The following PPP1R37 variants were observed in gnomAD, a reference collection of about 807,000 sequenced individuals.
PPP1R37 encodes protein phosphatase 1 regulatory subunit 37, also known as leucine rich repeat containing 68.
A neutral mutation model predicts 61.0 loss-of-function variants in PPP1R37; 21 were observed. The observed-to-expected ratio is 0.34, with a 90% CI of 0.24 to 0.50. The LOEUF is 0.50. PPP1R37 is among the 20% of genes least tolerant of loss of function. The pLI is 0.98. For missense variants in PPP1R37, 910 were observed against 952.7 expected (o/e 0.96, Z 0.59); for synonymous variants, 443 against 433.5 (o/e 1.02, Z -0.27).
rs773038424 is a variant in PPP1R37 at position 45,145,934 on chromosome 19, G to A, written c.1878G>A (p.Pro626=). The A allele has an allele frequency of 1.0e-5, 16 of 1,533,776 alleles. No homozygotes were observed. The highest frequency in any genetic ancestry group is 4.1e-5 in the African/African-American group (3 of 72,784). Reference sequence around the variant, plus strand: ...CTGAGCCTCAGCCACCACCGGAGCCGCCTCGGTCAGGGCCACCACTGCCCA... The same window carrying A: ...CTGAGCCTCAGCCACCACCGGAGCCACCTCGGTCAGGGCCACCACTGCCCA... The part of the protein sequence containing the change: ...GSSEPQPPPE[P]PRSGPPLPNG... The change falls in exon 11 of 13, where the codon CCG becomes CCA. Residue 626 remains proline (P), a synonymous_variant. Coordinates refer to ENST00000221462, the MANE Select transcript of PPP1R37 (RefSeq NM_019121.2).
At position 45,093,235 on chromosome 19, in the gene PPP1R37, C is replaced by A; in HGVS notation, c.-91C>A. On this transcript the variant is annotated 5_prime_UTR_variant, in exon 1 of 13. Coordinates refer to ENST00000221462, the MANE Select transcript of PPP1R37 (RefSeq NM_019121.2). ...GGCGGCGCCTGAAGCGGCGGCGGAG[C>A]CCATGCCCCGGGACGGCGGGCGGAC... 9.5e-7 allele frequency: 1 copy of A among 1,053,166 alleles called. No individual in the cohort carries two copies. The highest frequency in any genetic ancestry group is 1.3e-6 in the Non-Finnish European group (1 of 798,334). The allele number at this position is 1,053,166 out of a possible 1,614,324, so 65.2% of individuals were successfully genotyped here.
chr19:45,097,288 C>T (rs1323804580), intron 1 of PPP1R37, among the ~76,000 whole-genome samples: 1 of 151,710 alleles, frequency 6.6e-6, no homozygotes, highest in African/African-American at 2.4e-5. Context: ...GTGGCGTGAC[C>T]CCAAGGCCAA....
rs1235253430 is a variant in PPP1R37, at chr19:45,145,888, A to C, written c.1832A>C (p.Asp611Ala). ...TCCCTACCACCAGCCGGGGCCATTG[A>C]CACCCGGGACACAGGGTCCTCTGAG... ...SPSLPPAGAI[D>A]TRDTGSSEPQ... Residue 611 changes from aspartate to alanine, a missense_variant, in exon 11 of 13, where the codon GAC becomes GCC. Asp to Ala is a moderately radical substitution (Grantham distance 126). Transcript: ENST00000221462. 2.8e-5 allele frequency: 42 copies of C among 1,520,980 alleles called. No homozygotes were observed. Among genetic ancestry groups the C allele is most frequent in the Non-Finnish European group, 3.5e-5 (40 of 1,141,012 alleles). 94.2% of individuals were successfully genotyped at this position (1,520,980 alleles called of 1,614,324 possible).
rs1052339264 is a variant in PPP1R37, at chr19:45,145,625, G to C, written c.1569G>C (p.Arg523Ser). The change falls in exon 11 of 13, where the codon AGG becomes AGC. Residue 523 changes from arginine (R) to serine (S), a missense_variant. By Grantham distance (110) the Arg-to-Ser change is moderately radical. Around this residue, in one of 3 missense-constraint regions of PPP1R37, gnomAD observed 549 missense variants for 505.1 expected, o/e 1.09. Coordinates refer to ENST00000221462, the MANE Select transcript of PPP1R37 (RefSeq NM_019121.2). ...AAGAGGAGGAAGAGGAAGGGGAGAG[G>C]GACGAGACCCCCTGTCCTGCCCTGG... ...GEEEEEEEGE[R>S]DETPCPALVP... The C allele has an allele frequency of 6.5e-7, 1 of 1,536,022 alleles. No homozygotes were observed. The highest frequency in any genetic ancestry group is 2.0e-5 in the Admixed American group (1 of 50,998).
At chr19:45,146,113 C>A (rs118054030) in intron 11 of PPP1R37, 64 bp downstream of exon 11, 69,256 of 1,427,270 alleles carry the variant, frequency 0.049, 1,894 homozygotes, top group Non-Finnish European at 0.054. Context: ...CCAGGCAAGC[C>A]CCTGCCTGTT....
At position 45,145,939 on chromosome 19, in the gene PPP1R37, G is replaced by C. The variant is rs766055456; in HGVS notation, c.1883G>C (p.Arg628Pro). The change falls in exon 11 of 13, where the codon CGG (arginine) becomes CCG (proline). Residue 628 changes from arginine (R) to proline (P), a missense_variant. By Grantham distance (103) the Arg-to-Pro change is moderately radical. Transcript: ENST00000221462. ...CCTCAGCCACCACCGGAGCCGCCTC[G>C]GTCAGGGCCACCACTGCCCAACGGC... ...SEPQPPPEPP[R>P]SGPPLPNGLK... The C allele has an allele frequency of 4.6e-6, 7 of 1,534,392 alleles. No homozygotes were observed. In the South Asian group the frequency reaches 8.3e-5, roughly 18 times the overall value.
chr19:45,118,519 C>T (rs957641027), intron 1 of PPP1R37, among the ~76,000 whole-genome samples: 1 of 152,192 alleles, frequency 6.6e-6, no homozygotes, highest in South Asian at 2.1e-4. Context: ...GGCCATATCC[C>T]CTTCCCAGGG....
intron 1 of PPP1R37, among the ~76,000 whole-genome samples, chr19:45,099,647 T>C (rs917868350): frequency 1.1e-4 from 16 of 152,220 alleles, no homozygotes; most frequent in African/African-American, 3.9e-4. Context: ...TTTGTGCCTG[T>C]GATTATCTGT....
intron 1 of PPP1R37, among the ~76,000 whole-genome samples, chr19:45,105,866 G>A (rs1359456968): frequency 6.6e-6 from 1 of 152,234 alleles, no homozygotes; most frequent in African/African-American, 2.4e-5. Flanking sequence ...CACAGAGCAG[G>A]TGTTCAGTAA....
intron 1 of PPP1R37, among the ~76,000 whole-genome samples, chr19:45,095,517 C>A (rs147581160): frequency 1.9e-3 from 287 of 150,548 alleles, no homozygotes; most frequent in Admixed American, 3.4e-3. Context: ...AACCCCAGCA[C>A]TTTGTCAGGC....
chr19:45,093,329 G>A lies in PPP1R37; in HGVS notation c.4G>A (p.Glu2Lys). Reference sequence around the variant, plus strand: ...CCGTGAGGAGGCGGCGGCGGCTATGGAGATCGCGCCGCAGGAGGCGCCGCC... The same window carrying A: ...CCGTGAGGAGGCGGCGGCGGCTATGAAGATCGCGCCGCAGGAGGCGCCGCC... M[E>K]IAPQEAPPVP... Residue 2 changes from glutamate (E) to lysine (K), a missense_variant, in exon 1 of 13, where the codon GAG becomes AAG. Around this residue, in one of 3 missense-constraint regions of PPP1R37, gnomAD observed 81 missense variants for 65.4 expected, o/e 1.24. Coordinates refer to ENST00000221462, the MANE Select transcript of PPP1R37 (RefSeq NM_019121.2). 2 of 1,471,556 alleles carry A rather than the reference G, an allele frequency of 1.4e-6. No individual in the cohort carries two copies. The highest frequency in any genetic ancestry group is 1.8e-6 in the Non-Finnish European group (2 of 1,117,094). 91.2% of individuals were successfully genotyped at this position (1,471,556 alleles called of 1,614,324 possible). A position where few individuals can be genotyped will look rare whatever the true frequency, so the allele number is the denominator to read the frequency against.
intron 1 of PPP1R37, among the ~76,000 whole-genome samples, chr19:45,137,766 C>G (rs1196035095): frequency 1.3e-5 from 2 of 151,604 alleles, no homozygotes; most frequent in African/African-American, 4.8e-5. Flanking sequence ...AAGGTTGTTT[C>G]TCTGAGCTTG....
intron 1 of PPP1R37, among the ~76,000 whole-genome samples, chr19:45,117,020 C>T (rs915332571): frequency 7.3e-5 from 11 of 150,840 alleles, no homozygotes; most frequent in African/African-American, 2.7e-4. Flanking sequence ...TCAAGCGATT[C>T]TCCTGTCTCA....
At chr19:45,097,480 G>C (rs577705365) in intron 1 of PPP1R37, among the ~76,000 whole-genome samples, 30 of 151,930 alleles carry the variant, frequency 2.0e-4, no homozygotes, top group Non-Finnish European at 4.0e-4. Flanking sequence ...CTCACCCCTG[G>C]GGCTACAGTG....
chr19:45,139,300 T>C (rs1334684914), intron 2 of PPP1R37, among the ~76,000 whole-genome samples: 1 of 152,250 alleles, frequency 6.6e-6, no homozygotes, highest in African/African-American at 2.4e-5. Context: ...AAAAGCCAAA[T>C]CCACCTCTTA....
chr19:45,130,423 C>T lies in PPP1R37; in HGVS notation c.203-8091C>T, dbSNP rs1296707744. On this transcript the variant is annotated intron_variant, in intron 1 of 12. Transcript: ENST00000221462. The surrounding 1 kb of genome is among the most constrained non-coding windows in gnomAD (Gnocchi z 4.4). ...GTCCCACATCATCCCCAGTGCTCCC[C>T]TCCCGGTGTGCTTTGGCGCCGAGCC... Among the ~76,000 whole-genome samples the T allele has an allele frequency of 6.6e-6, 1 of 152,204 alleles. No individual in the cohort carries two copies. The highest frequency in any genetic ancestry group is 1.5e-5 in the Non-Finnish European group (1 of 68,034).
At chr19:45,119,141 A>G (rs1968307332) in intron 1 of PPP1R37, among the ~76,000 whole-genome samples, 1 of 150,484 alleles carries the variant, frequency 6.6e-6, no homozygotes, top group South Asian at 2.1e-4. Context: ...GGCACGTGCC[A>G]CAACACCCGT....
chr19:45,141,177 C>T (rs1968606373), intron 4 of PPP1R37, 145 bp from the exon 5 acceptor site: 3 of 865,200 alleles, frequency 3.5e-6, no homozygotes, highest in African/African-American at 1.7e-5. Context: ...CTCACGGGGC[C>T]CTGTCTGTGC....
At chr19:45,127,458 G>C (rs1968421357) in intron 1 of PPP1R37, among the ~76,000 whole-genome samples, 1 of 152,026 alleles carries the variant, frequency 6.6e-6, no homozygotes, top group Non-Finnish European at 1.5e-5. Flanking sequence ...ACAGCATGTG[G>C]CTGTGCTGAG....
Sources: gnomAD v4.1 joint callset for allele counts (sites outside exome capture counted in the v4.1 genomes callset) on GRCh38, gnomAD v4.1.1 for gene constraint, gnomAD v4.1.1 regional missense constraint, Gnocchi (gnomAD v3.1) non-coding constraint, MANE v1.5 for transcripts, NCBI Gene and HGNC (gene_info 2026-07-23, HGNC 2026-07-21) for gene names.